ARHGAP26: variants seen among roughly 807,000 people sequenced by gnomAD.
ARHGAP26 encodes the protein Rho GTPase activating protein 26.
ARHGAP26 carries 38 observed loss-of-function variants against 104.8 expected under a neutral mutation model. The ratio of observed to expected loss-of-function variants is 0.36; its 90% CI spans 0.28 to 0.48. The LOEUF is 0.48. ARHGAP26 is among the 20% of genes least tolerant of loss of function. The pLI is 0.99. For synonymous variants in ARHGAP26, 341 were observed against 340.0 expected (o/e 1.00, Z -0.03); for missense variants, 704 against 947.9 (o/e 0.74, Z 3.38).
In ARHGAP26 at chr5:142,821,759, G is replaced by A. The variant is rs192786946; in HGVS notation, c.154+50844G>A. Among the ~76,000 whole-genome samples the A allele has an allele frequency of 1.6e-4, 25 of 152,296 alleles. No homozygotes were observed. The East Asian group carries it at 4.6e-3, about 28-fold the overall frequency. ...CAATTTCCAGTGCCAACTCTGTGTA[G>A]GAGGAATTTTTATTAAGAAAAGCCA... On this transcript the variant is annotated intron_variant, in intron 1 of 22. Coordinates refer to ENST00000645722, the MANE Select transcript of ARHGAP26 (RefSeq NM_001135608.3).
chr5:142,963,194 A>ATGTGTGTGTGTG (rs1375363062), intron 11 of ARHGAP26, among the ~76,000 whole-genome samples: 4 of 102,682 alleles, frequency 3.9e-5, no homozygotes, highest in African/African-American at 2.0e-4. Context: ...ATATATATAT[A>ATGTGTGTGTGTG]TATATGTGTG....
rs1751595261 is a variant in ARHGAP26, at chr5:142,851,947, A to G, written c.155-21453A>G. Among the ~76,000 whole-genome samples the G allele has an allele frequency of 3.9e-5, 6 of 152,326 alleles. No homozygotes were observed. In the South Asian group the frequency reaches 1.2e-3, roughly 32 times the overall value. On this transcript the variant is annotated intron_variant, in intron 1 of 22. Transcript: ENST00000645722. ...GCTATTTCCAGGGTTCACTCTACAT[A>G]GGCACACAGTCCCTCCCCAGTCTTG...
At chr5:143,152,875 G>C (rs552627353) in intron 20 of ARHGAP26, among the ~76,000 whole-genome samples, 2 of 152,316 alleles carry the variant, frequency 1.3e-5, no homozygotes, top group South Asian at 4.1e-4. Flanking sequence ...GCAGCCACCT[G>C]GGTTAGTCAG....
chr5:143,198,913 G>A (rs570040675), intron 20 of ARHGAP26, among the ~76,000 whole-genome samples: 4 of 152,298 alleles, frequency 2.6e-5, no homozygotes, highest in Non-Finnish European at 5.9e-5. Context: ...CCATCTCCCA[G>A]GTGGTGGCCA....
chr5:143,092,280 C>T (rs1337233036), intron 17 of ARHGAP26, among the ~76,000 whole-genome samples: 2 of 151,360 alleles, frequency 1.3e-5, no homozygotes, highest in East Asian at 1.9e-4. Flanking sequence ...TCTCCTGCCT[C>T]GGCCTCCTGA....
intron 10 of ARHGAP26, among the ~76,000 whole-genome samples, chr5:142,917,634 C>T (rs756966209): frequency 2.0e-5 from 3 of 152,176 alleles, no homozygotes; most frequent in Non-Finnish European, 4.4e-5. Context: ...GTGACAGGCA[C>T]ATGGCACTGA....
chr5:143,155,571 A>G (rs1800377632), intron 20 of ARHGAP26, among the ~76,000 whole-genome samples: 1 of 152,168 alleles, frequency 6.6e-6, no homozygotes, highest in South Asian at 2.1e-4. Flanking sequence ...GTGACCCAGC[A>G]GGGTTTCTTT....
intron 11 of ARHGAP26, among the ~76,000 whole-genome samples, chr5:142,950,598 G>A (rs757467144): frequency 4.6e-5 from 7 of 152,034 alleles, no homozygotes; most frequent in Non-Finnish European, 1.0e-4. Flanking sequence ...TTATCAGAAT[G>A]TCATGTTTCC....
At chr5:142,859,891 T>A (rs981325655) in intron 1 of ARHGAP26, 4 of 152,336 alleles carry the variant, frequency 2.6e-5, no homozygotes, top group African/African-American at 9.6e-5. Flanking sequence ...TGGATGCCAT[T>A]GTCTCATTGT....
At chr5:143,175,550 T>A (rs925671544) in intron 20 of ARHGAP26, among the ~76,000 whole-genome samples, 8 of 152,128 alleles carry the variant, frequency 5.3e-5, no homozygotes, top group African/African-American at 1.2e-4. Context: ...CTTTTTTTTT[T>A]AATGAAGAAT....
chr5:142,842,140 G>A (rs866257898), intron 1 of ARHGAP26, among the ~76,000 whole-genome samples: 7 of 152,130 alleles, frequency 4.6e-5, no homozygotes, highest in Admixed American at 6.5e-5. Context: ...GTCATGATTC[G>A]CTTTGGGAAA....
chr5:143,154,462 T>C lies in ARHGAP26; in HGVS notation c.1988+7081T>C, dbSNP rs75785753. 8.5e-3 allele frequency among the ~76,000 whole-genome samples: 1,289 copies of C among 152,306 alleles called. 19 individuals carry two copies. Among genetic ancestry groups the C allele is most frequent in the African/African-American group, 0.03 (1,247 of 41,560 alleles). ...TGTGTATGGCAATTAATAGTATTAT[T>C]TTGGAGGGCTCCCCCCACAAACTGT... On this transcript the variant is annotated intron_variant, in intron 20 of 22. Coordinates refer to ENST00000645722, the MANE Select transcript of ARHGAP26 (RefSeq NM_001135608.3).
At chr5:143,136,363 A>G (rs942575082) in intron 19 of ARHGAP26, among the ~76,000 whole-genome samples, 2 of 152,220 alleles carry the variant, frequency 1.3e-5, no homozygotes, top group Non-Finnish European at 2.9e-5. Flanking sequence ...AGGAGAAGAC[A>G]GTGAACAATA....
intron 20 of ARHGAP26, chr5:143,202,482 C>T (rs1367509659): frequency 2.6e-5 from 3 of 117,620 alleles, no homozygotes; most frequent in Non-Finnish European, 3.0e-5. Flanking sequence ...TGAAAATAGC[C>T]ATAAAATAGC....
intron 5 of ARHGAP26, among the ~76,000 whole-genome samples, chr5:142,890,144 AAAAAAAAATATATATATAT>A (rs1203337423): frequency 5.6e-5 from 5 of 89,214 alleles, no homozygotes; most frequent in African/African-American, 1.9e-4. Context: ...CTTAAAAAAA[AAAAAAAAATATATATATAT>A]ATATATATAT....
At chr5:142,913,850 C>T (rs978455341) in intron 10 of ARHGAP26, among the ~76,000 whole-genome samples, 3 of 152,170 alleles carry the variant, frequency 2.0e-5, no homozygotes, top group Admixed American at 6.5e-5. Context: ...GTGTTGTATT[C>T]CTCGAGATTT....
At chr5:143,150,770 A>T (rs981846643) in intron 20 of ARHGAP26, among the ~76,000 whole-genome samples, 1 of 152,272 alleles carries the variant, frequency 6.6e-6, no homozygotes, top group Non-Finnish European at 1.5e-5. Flanking sequence ...ACAGAAATTG[A>T]TTCCAAATGG....
rs776102177 is a variant in ARHGAP26 at position 142,894,318 on chromosome 5, A to G, written c.567A>G (p.Gln189=). The part of the protein sequence containing the change: ...LEYVFKVQEV[Q]ERKMFEFVEP... ...ATGTCTTCAAGGTGCAGGAAGTCCA[A>G]GAGAGAAAGATGTTTGAGTTTGTGG... The change falls in exon 6 of 23, where the codon CAA becomes CAG. Residue 189 remains glutamine (Q), a synonymous_variant. Coordinates refer to ENST00000645722, the MANE Select transcript of ARHGAP26 (RefSeq NM_001135608.3). The G allele has an allele frequency of 6.2e-7, 1 of 1,614,120 alleles. No homozygotes were observed. The highest frequency in any genetic ancestry group is 1.1e-5 in the South Asian group (1 of 91,086).
chr5:142,937,425 G>C (rs918108942), intron 11 of ARHGAP26, among the ~76,000 whole-genome samples: 2 of 152,200 alleles, frequency 1.3e-5, no homozygotes, highest in African/African-American at 4.8e-5. Context: ...AGAGAAACTG[G>C]ATCTTCTGTA....
Sources: allele counts gnomAD v4.1 joint callset (sites outside exome capture counted in the v4.1 genomes callset), GRCh38; gene constraint gnomAD v4.1.1; transcripts MANE v1.5; gene names NCBI Gene and HGNC (gene_info 2026-07-23, HGNC 2026-07-21).